The following ZNF576 variants were observed in gnomAD, a reference collection of about 807,000 sequenced individuals.
The protein encoded by ZNF576 is zinc finger protein 576.
In ZNF576, 9 loss-of-function variants were observed where a neutral mutation model predicts 10.8. The observed-to-expected ratio is 0.84, with a 90% CI of 0.50 to 1.46. ZNF576 has a LOEUF of 1.46. ZNF576 is among the 40% of genes most tolerant of loss of function. The pLI is 0.00. For missense variants in ZNF576, 191 were observed against 233.7 expected (o/e 0.82, Z 1.19); for synonymous variants, 88 against 89.6 (o/e 0.98, Z 0.10).
chr19:43,598,390 G>A (rs1056249250), intron 2 of ZNF576, among the ~76,000 whole-genome samples: 4 of 152,196 alleles, frequency 2.6e-5, no homozygotes, highest in African/African-American at 4.8e-5. Flanking sequence ...GCAAATGACT[G>A]TACAGCAATT....
Position 43,599,329 on chromosome 19 carries a change from C to T in ZNF576, c.*71C>T, listed in dbSNP as rs977383565. On this transcript the variant is annotated 3_prime_UTR_variant, in exon 3 of 3. Coordinates refer to ENST00000336564, the MANE Select transcript of ZNF576 (RefSeq NM_001145347.2). The stretch of plus-strand genomic sequence containing the variant: ...TAGGACTCACCCATGATATGGGGTG[C>T]AGGAACTCTGGGGGCCCTGAAGGAT... 6.7e-6 allele frequency: 10 copies of T among 1,485,416 alleles called. No homozygotes were observed. The highest frequency in any genetic ancestry group is 9.1e-6 in the Non-Finnish European group (10 of 1,099,672). The allele number at this position is 1,485,416 out of a possible 1,614,324, so 92.0% of individuals were successfully genotyped here.
chr19:43,599,550 G>C lies in ZNF576; in HGVS notation c.*292G>C, dbSNP rs1035262987. 1 of 405,076 alleles carries C rather than the reference G, an allele frequency of 2.5e-6. No individual in the cohort carries two copies. The highest frequency in any genetic ancestry group is 2.1e-5 in the African/African-American group (1 of 48,630). The allele number at this position is 405,076 out of a possible 1,614,324, so 25.1% of individuals were successfully genotyped here. ...ATGGTTTGTGTCTCCCTTATTCCCA[G>C]TTAAATACCTAGCTGCAGATTGTGC... On this transcript the variant is annotated 3_prime_UTR_variant, in exon 3 of 3. Coordinates refer to ENST00000336564, the MANE Select transcript of ZNF576 (RefSeq NM_001145347.2).
Position 43,598,889 on chromosome 19 carries a change from CCAGG to C in ZNF576, c.145_148del (p.Gln49SerfsTer4). The C allele has an allele frequency of 1.2e-6, 2 of 1,602,852 alleles. No individual in the cohort carries two copies. The highest frequency in any genetic ancestry group is 1.7e-6 in the Non-Finnish European group (2 of 1,172,080). On this transcript the variant is annotated frameshift_variant, in exon 3 of 3. Coordinates refer to ENST00000336564, the MANE Select transcript of ZNF576 (RefSeq NM_001145347.2). LOFTEE classifies it high-confidence loss of function. ...TCATCACCTTCGCAGATTCCAAGTT[CCAGG>C]AGCGTCACATGAAGCGGGAGCACCC...
At chr19:43,598,698 T>A (rs1439001149) in intron 2 of ZNF576, 133 bp from the exon 3 acceptor site, 6 of 751,324 alleles carry the variant, frequency 8.0e-6, no homozygotes, top group Non-Finnish European at 1.3e-5. Flanking sequence ...TTCTCCTGTT[T>A]GGTTGTCCAG....
intron 2 of ZNF576, among the ~76,000 whole-genome samples, chr19:43,598,042 A>C (rs1973168531): frequency 6.6e-6 from 1 of 152,202 alleles, no homozygotes; most frequent in Non-Finnish European, 1.5e-5. Flanking sequence ...AAGCAGGGGC[A>C]ATTCTATGAT....
At chr19:43,597,279 G>T (rs1477025675) in intron 2 of ZNF576, 86 bp downstream of exon 2, 2 of 1,273,854 alleles carry the variant, frequency 1.6e-6, no homozygotes, top group Non-Finnish European at 2.3e-6. Context: ...TGTCCAAGGC[G>T]CCACAGAGTT....
In ZNF576 at chr19:43,600,440, T is replaced by C. The variant is rs1433424398; in HGVS notation, c.*1182T>C. On this transcript the variant is annotated 3_prime_UTR_variant, in exon 3 of 3. Coordinates refer to ENST00000336564, the MANE Select transcript of ZNF576 (RefSeq NM_001145347.2). Reference sequence around the variant, plus strand: ...TGGATGTGGTAGACTGATCACTGTCTCTGTTTTTAGCTAGGCACACAGTAG... The same window carrying C: ...TGGATGTGGTAGACTGATCACTGTCCCTGTTTTTAGCTAGGCACACAGTAG... 1.3e-5 allele frequency: 2 copies of C among 152,280 alleles called. No individual in the cohort carries two copies. Among genetic ancestry groups the C allele is most frequent in the Non-Finnish European group, 2.9e-5 (2 of 68,058 alleles). The allele number at this position is 152,280 out of a possible 1,614,324, so 9.4% of individuals were successfully genotyped here.
intron 1 of ZNF576, 51 bp from the exon 2 acceptor site, chr19:43,597,043 G>T (rs1424758389): frequency 1.9e-6 from 3 of 1,556,582 alleles, no homozygotes; most frequent in African/African-American, 2.7e-5. Flanking sequence ...TGCCCTCTAA[G>T]ACTGGTAACA....
In ZNF576 at chr19:43,601,050, C is replaced by G. The variant is rs1000761553; in HGVS notation, c.*1792C>G. 10 of 152,170 alleles carry G rather than the reference C, an allele frequency of 6.6e-5. No individual in the cohort carries two copies. Among genetic ancestry groups the G allele is most frequent in the Non-Finnish European group, 2.9e-5 (2 of 68,036 alleles). 9.4% of individuals were successfully genotyped at this position (152,170 alleles called of 1,614,324 possible). A position where few individuals can be genotyped will look rare whatever the true frequency, so the allele number is the denominator to read the frequency against. On this transcript the variant is annotated 3_prime_UTR_variant, in exon 3 of 3. Coordinates refer to ENST00000336564, the MANE Select transcript of ZNF576 (RefSeq NM_001145347.2). ...TCCATATTGCTATCTAAGAAAGAAA[C>G]TTCTATCTTATTTAAGCCACCATTA...
At position 43,598,879 on chromosome 19, in the gene ZNF576, AT is replaced by A; in HGVS notation, c.136del (p.Ser46ProfsTer8). On this transcript the variant is annotated frameshift_variant, in exon 3 of 3. Transcript: ENST00000336564. LOFTEE classifies it high-confidence loss of function. The stretch of plus-strand genomic sequence containing the variant: ...ACCCGCTGCCTCATCACCTTCGCAG[AT>A]TCCAAGTTCCAGGAGCGTCACATGA... ...KCTRCLITFA[D>X]SKFQERHMKR... The A allele has an allele frequency of 6.3e-7, 1 of 1,597,304 alleles. No homozygotes were observed.
Position 43,597,202 on chromosome 19 carries a change from A to T in ZNF576, c.85+9A>T. 2.5e-6 allele frequency: 4 copies of T among 1,613,500 alleles called. No individual in the cohort carries two copies. The highest frequency in any genetic ancestry group is 2.5e-6 in the Non-Finnish European group (3 of 1,179,446). On this transcript the variant is annotated intron_variant, in intron 2 of 2. Coordinates refer to ENST00000336564, the MANE Select transcript of ZNF576 (RefSeq NM_001145347.2). Reference sequence around the variant, plus strand: ...CCCAGGAGGCAACATCTGTGAGTACACATGGCTGGCGGGCTAGAGGAGGGT... The same window carrying T: ...CCCAGGAGGCAACATCTGTGAGTACTCATGGCTGGCGGGCTAGAGGAGGGT...
Position 43,597,202 on chromosome 19 carries a change from A to G in ZNF576, c.85+9A>G. ...CCCAGGAGGCAACATCTGTGAGTAC[A>G]CATGGCTGGCGGGCTAGAGGAGGGT... On this transcript the variant is annotated intron_variant, in intron 2 of 2. Transcript: ENST00000336564. 6.2e-7 allele frequency: 1 copy of G among 1,613,500 alleles called. No homozygotes were observed. Among genetic ancestry groups the G allele is most frequent in the Non-Finnish European group, 8.5e-7 (1 of 1,179,446 alleles).
At chr19:43,597,009 A>T in intron 1 of ZNF576, 85 bp from the exon 2 acceptor site, 2 of 1,085,382 alleles carry the variant, frequency 1.8e-6, no homozygotes, top group Non-Finnish European at 2.8e-6. Context: ...GCCTCTGGCG[A>T]TGTCAAAGGT....
intron 2 of ZNF576, among the ~76,000 whole-genome samples, chr19:43,597,762 C>T (rs1009847248): frequency 1.3e-5 from 2 of 152,128 alleles, no homozygotes; most frequent in Non-Finnish European, 2.9e-5. Context: ...TTGAGTCCTT[C>T]TAATAATAGG....
At chr19:43,597,033 T>C in intron 1 of ZNF576, 61 bp from the exon 2 acceptor site, 1 of 1,419,204 alleles carries the variant, frequency 7.0e-7, no homozygotes, top group Non-Finnish European at 1.0e-6. Flanking sequence ...AGACTTAGGG[T>C]GCCCTCTAAG....
At position 43,599,288 on chromosome 19, in the gene ZNF576, G is replaced by C. The variant is rs779206057; in HGVS notation, c.*30G>C. The C allele has an allele frequency of 6.3e-7, 1 of 1,586,278 alleles. No individual in the cohort carries two copies. Among genetic ancestry groups the C allele is most frequent in the South Asian group, 1.1e-5 (1 of 87,608 alleles). ...AGCTTAAGCCTCTCCACGGTGACGG[G>C]TGGCTCTGTGGCTGGTAGGACTCAC... On this transcript the variant is annotated 3_prime_UTR_variant, in exon 3 of 3. Coordinates refer to ENST00000336564, the MANE Select transcript of ZNF576 (RefSeq NM_001145347.2).
Position 43,597,162 on chromosome 19 carries a change from G to C in ZNF576, c.54G>C (p.Glu18Asp). Residue 18 changes from glutamate to aspartate, a missense_variant, in exon 2 of 3, where the codon GAG becomes GAC. Transcript: ENST00000336564. ...ENMKQQDSPK[E>D]RSPQSPGGNI... ...TGAAGCAGCAGGATTCACCCAAGGA[G>C]AGAAGTCCCCAGAGCCCAGGAGGCA... is the stretch of plus-strand genomic sequence containing the variant. 6.2e-7 allele frequency: 1 copy of C among 1,614,168 alleles called. No homozygotes were observed. The highest frequency in any genetic ancestry group is 8.5e-7 in the Non-Finnish European group (1 of 1,180,012).
At chr19:43,597,353 C>CA (rs1973158478) in intron 2 of ZNF576, 160 bp downstream of exon 2, 1 of 635,026 alleles carries the variant, frequency 1.6e-6, no homozygotes. Flanking sequence ...CATCTCCTCA[C>CA]ACCAGCTTAT....
chr19:43,596,778 T>G, intron 1 of ZNF576, 35 bp downstream of exon 1: 1 of 207,012 alleles, frequency 4.8e-6, no homozygotes, highest in Non-Finnish European at 1.0e-5. Flanking sequence ...ACACTTGAGA[T>G]TGGGATGACG....
Sources: allele counts gnomAD v4.1 joint callset (sites outside exome capture counted in the v4.1 genomes callset), GRCh38; gene constraint gnomAD v4.1.1; transcripts MANE v1.5; gene names NCBI Gene and HGNC (gene_info 2026-07-23, HGNC 2026-07-21).